The following ADAMTS7 variants were observed in gnomAD, a reference collection of about 807,000 sequenced individuals.
ADAMTS7 encodes the protein A disintegrin and metalloproteinase with thrombospondin motifs 7.
A neutral mutation model predicts 172.6 loss-of-function variants in ADAMTS7; 89 were observed. That is an observed-to-expected ratio of 0.52 (90% confidence interval 0.43 to 0.61). The LOEUF (loss-of-function observed/expected upper bound fraction) is 0.61, where lower values mean the gene tolerates loss of function less well. ADAMTS7 is among the 20% of genes least tolerant of loss of function. The pLI is 0.00. For missense variants in ADAMTS7, 1,973 were observed against 2,355.6 expected, an observed-to-expected ratio of 0.84 and a Z score of 3.36; for synonymous variants, 885 against 978.4, an observed-to-expected ratio of 0.90 and a Z score of 1.78.
rs1172692955 is a variant in ADAMTS7 at position 78,784,948 on chromosome 15, T to C, written c.1322+3283A>G. Among the ~76,000 whole-genome samples, 9 of 151,170 alleles carry C rather than the reference T, an allele frequency of 6.0e-5. No individual in the cohort carries two copies. In the South Asian group the frequency reaches 1.7e-3, roughly 28 times the overall value. The stretch of plus-strand genomic sequence containing the variant: ...TCTTTCTCAGAAAGCTGCTTGAGGA[T>C]GTGCTCCACCAAAACAAATTAAAAA... On this transcript the variant is annotated intron_variant, in intron 8 of 23. Transcript: ENST00000388820.
intron 1 of ADAMTS7, chr15:78,810,500 G>A (rs1193151180): frequency 1.3e-5 from 2 of 152,446 alleles, no homozygotes; most frequent in Admixed American, 1.3e-4. Context: ...CCATGGCCGG[G>A]AAAAGAAGCT....
Position 78,765,690 on chromosome 15 carries a change from C to A in ADAMTS7, c.4221G>T (p.Pro1407=). Residue 1407 remains proline (P), a synonymous_variant, in exon 19 of 24, where the codon CCG becomes CCT. Transcript: ENST00000388820. ...GCCAGCCGGCGTTCCTGACAACCAA[C>A]GGGTCCGCGGGGGGCCCCGCTTCAG... is the stretch of plus-strand genomic sequence containing the variant. ...SLAEAGPPAD[P]LVVRNAGWQA... 1 of 1,610,540 alleles carries A rather than the reference C, an allele frequency of 6.2e-7. No individual in the cohort carries two copies. The highest frequency in any genetic ancestry group is 8.5e-7 in the Non-Finnish European group (1 of 1,179,692).
intron 1 of ADAMTS7, among the ~76,000 whole-genome samples, chr15:78,810,281 A>C: frequency 6.6e-6 from 1 of 151,056 alleles, no homozygotes. Flanking sequence ...CTATTGCAGG[A>C]CTCTCCCCAC....
intron 19 of ADAMTS7, 88 bp downstream of exon 19, chr15:78,765,557 C>T: frequency 6.3e-7 from 1 of 1,580,914 alleles, no homozygotes; most frequent in Middle Eastern, 2.3e-4. Context: ...CAGACGGCGC[C>T]TGTGTCCCAC....
Position 78,767,049 on chromosome 15 carries a change from G to T in ADAMTS7, c.2862C>A (p.Cys954Ter). ...ATWAVGNWSQ[C>*]SVTCGEGTQR... ...GAGTGCCCTCCCCACATGTCACTGAGCACTGCAGGGGAAGCCAGGGTGAGG... is the reference window on the plus strand; with the variant it reads ...GAGTGCCCTCCCCACATGTCACTGATCACTGCAGGGGAAGCCAGGGTGAGG... The change falls in exon 19 of 24, where the codon TGC becomes TGA. Residue 954 changes from cysteine (C) to a stop codon, truncating the protein, a stop_gained and splice_region_variant. Transcript: ENST00000388820. LOFTEE classifies it high-confidence loss of function. 6.5e-7 allele frequency: 1 copy of T among 1,546,054 alleles called. No individual in the cohort carries two copies. The highest frequency in any genetic ancestry group is 8.7e-7 in the Non-Finnish European group (1 of 1,147,332).
intron 8 of ADAMTS7, among the ~76,000 whole-genome samples, chr15:78,785,591 T>G (rs1458038291): frequency 6.6e-6 from 1 of 151,718 alleles, no homozygotes; most frequent in Non-Finnish European, 1.5e-5. Context: ...TGCCATCTTA[T>G]TACAACACTT....
Position 78,766,691 on chromosome 15 carries a change from C to A in ADAMTS7, c.3220G>T (p.Glu1074Ter). Residue 1074 changes from glutamate to a stop codon, truncating the protein, a stop_gained, in exon 19 of 24, where the codon GAG (glutamate) becomes TAG (stop). Transcript: ENST00000388820. LOFTEE classifies it high-confidence loss of function. The part of the protein sequence containing the change: ...YYDYNFINFH[E>*]DLSYGPSEEP... ...TCAGAGGGCCCGTAGGACAGATCCTCGTGGAAATTGATGAAATTGTAGTCG... is the reference window on the plus strand; with the variant it reads ...TCAGAGGGCCCGTAGGACAGATCCTAGTGGAAATTGATGAAATTGTAGTCG... 1 of 1,610,892 alleles carries A rather than the reference C, an allele frequency of 6.2e-7. No homozygotes were observed. Among genetic ancestry groups the A allele is most frequent in the South Asian group, 1.1e-5 (1 of 90,990 alleles).
At chr15:78,789,932 C>A in intron 6 of ADAMTS7, 94 bp from the exon 7 acceptor site, 1 of 1,467,360 alleles carries the variant, frequency 6.8e-7, no homozygotes. Flanking sequence ...GAATTGATCC[C>A]AAGCGAAAAG....
At chr15:78,773,594 G>T (rs1226330932) in intron 13 of ADAMTS7, among the ~76,000 whole-genome samples, 1 of 152,088 alleles carries the variant, frequency 6.6e-6, no homozygotes, top group Non-Finnish European at 1.5e-5. Context: ...CCTCCTCGGA[G>T]CCCAGGCCTT....
rs769713958 is a variant in ADAMTS7, at chr15:78,767,021, G to A, written c.2890C>T (p.Arg964Cys). 2.2e-5 allele frequency: 35 copies of A among 1,570,970 alleles called. No homozygotes were observed. Among genetic ancestry groups the A allele is most frequent in the South Asian group, 1.8e-4 (15 of 82,414 alleles). Residue 964 changes from arginine to cysteine, a missense_variant, in exon 19 of 24, where the codon CGC becomes TGC. By Grantham distance (180) the Arg-to-Cys change is radical. Around this residue, in one of 8 missense-constraint regions of ADAMTS7, gnomAD observed 771 missense variants for 952.6 expected, o/e 0.81. Transcript: ENST00000388820. The part of the protein sequence containing the change: ...CSVTCGEGTQ[R>C]RNVLCTNDTG... ...TCATTGGTGCAGAGGACATTTCGGC[G>A]CTGAGTGCCCTCCCCACATGTCACT...
rs752898399 is a variant in ADAMTS7, at chr15:78,788,248, A to ATAC, written c.1302_1304dup (p.Gln434_Tyr435insTer). On this transcript the variant is annotated stop_gained, in exon 8 of 24. Transcript: ENST00000388820. LOFTEE classifies it high-confidence loss of function. The stretch of plus-strand genomic sequence containing the variant: ...GGACTTACTCAAGGAACCTGGTGAT[A>ATAC]TACTGGCGGCTGCAGCGGGACCAGG... 6.2e-7 allele frequency: 1 copy of ATAC among 1,613,690 alleles called. No homozygotes were observed. Among genetic ancestry groups the ATAC allele is most frequent in the Non-Finnish European group, 8.5e-7 (1 of 1,179,988 alleles).
chr15:78,793,006 T>C (rs1274899856), intron 4 of ADAMTS7, among the ~76,000 whole-genome samples: 1 of 152,102 alleles, frequency 6.6e-6, no homozygotes, highest in Non-Finnish European at 1.5e-5. Flanking sequence ...GATGAGGCTG[T>C]CCTGAAGGTG....
intron 8 of ADAMTS7, among the ~76,000 whole-genome samples, chr15:78,785,990 C>T (rs375258098): frequency 9.4e-5 from 14 of 149,414 alleles, no homozygotes; most frequent in Non-Finnish European, 1.2e-4. Flanking sequence ...AGTGCAGTGG[C>T]GCGATCTTGG....
intron 10 of ADAMTS7, 51 bp from the exon 11 acceptor site, chr15:78,776,384 A>T (rs1469154519): frequency 1.3e-6 from 2 of 1,586,592 alleles, no homozygotes; most frequent in Admixed American, 3.5e-5. Context: ...TCTATCAGTC[A>T]TCCTCACCCT....
rs148232841 is a variant in ADAMTS7 at position 78,789,981 on chromosome 15, G to A, written c.1029-143C>T. On this transcript the variant is annotated intron_variant, in intron 6 of 23. Transcript: ENST00000388820. ...CCGTTCTGTGACATGAGGCCAGCAC[G>A]GTGGCCGCTTGGGAAGCAGGTGCTC... 1.5e-4 allele frequency: 179 copies of A among 1,223,512 alleles called. 1 individual carries two copies. The highest frequency in any genetic ancestry group is 8.5e-4 in the Middle Eastern group (3 of 3,524). The allele number at this position is 1,223,512 out of a possible 1,614,324, so 75.8% of individuals were successfully genotyped here. A position where few individuals can be genotyped will look rare whatever the true frequency, so the allele number is the denominator to read the frequency against.
chr15:78,775,562 C>G (rs1015536687), intron 11 of ADAMTS7, among the ~76,000 whole-genome samples: 2 of 152,142 alleles, frequency 1.3e-5, no homozygotes, highest in Admixed American at 6.5e-5. Context: ...CCCCCACCCC[C>G]CCGTTTAGAT....
chr15:78,780,367 TG>T (rs1350902279), intron 8 of ADAMTS7, among the ~76,000 whole-genome samples: 3 of 152,142 alleles, frequency 2.0e-5, no homozygotes, highest in Admixed American at 6.5e-5. Context: ...AGGAGAGACC[TG>T]GGGGCCCGCT....
At chr15:78,804,950 G>GA (rs1012565848) in intron 1 of ADAMTS7, among the ~76,000 whole-genome samples, 5 of 152,340 alleles carry the variant, frequency 3.3e-5, no homozygotes, top group African/African-American at 1.2e-4. Flanking sequence ...TGATCCTCAG[G>GA]AAAGTTAGGA....
chr15:78,778,330 C>A (rs2055382275), intron 8 of ADAMTS7, among the ~76,000 whole-genome samples: 1 of 152,224 alleles, frequency 6.6e-6, no homozygotes, highest in African/African-American at 2.4e-5. Context: ...AGCAGGGACC[C>A]TGGGGAGGGC....
Sources: allele counts gnomAD v4.1 joint callset (sites outside exome capture counted in the v4.1 genomes callset), GRCh38; gene constraint gnomAD v4.1.1; regional missense constraint gnomAD v4.1.1; transcripts MANE v1.5; gene names NCBI Gene and HGNC (gene_info 2026-07-23, HGNC 2026-07-21).